The following GABBR2 variants were observed in gnomAD, a reference collection of about 807,000 sequenced individuals.
The protein encoded by GABBR2 is G-protein coupled receptor 51.
GABBR2 carries 23 observed loss-of-function variants against 105.6 expected under a neutral mutation model. The ratio of observed to expected loss-of-function variants is 0.22; its 90% confidence interval spans 0.16 to 0.31. The LOEUF (loss-of-function observed/expected upper bound fraction) is 0.31, where lower values mean the gene tolerates loss of function less well. Ranked by LOEUF, GABBR2 falls within the 10% of genes least tolerant of loss-of-function variation. The pLI, the probability that GABBR2 is intolerant of heterozygous loss-of-function variation, is 1.00. For missense variants in GABBR2, 734 were observed against 1,245.5 expected (o/e 0.59, Z 6.18); for synonymous variants, 478 against 499.7 (o/e 0.96, Z 0.58).
chr9:98,457,101 C>A (rs567445524), intron 6 of GABBR2, among the ~76,000 whole-genome samples: 1 of 152,172 alleles, frequency 6.6e-6, no homozygotes, highest in Non-Finnish European at 1.5e-5. Context: ...TACTTGGATG[C>A]GTGTTTCTTT....
chr9:98,473,401 T>C, intron 5 of GABBR2, 55 bp from the exon 6 acceptor site: 1 of 1,203,566 alleles, frequency 8.3e-7, no homozygotes, highest in Non-Finnish European at 1.2e-6. Flanking sequence ...TTCAAGGCTC[T>C]GTGCCCTGGA....
At chr9:98,635,195 G>T (rs992338214) in intron 1 of GABBR2, among the ~76,000 whole-genome samples, 3 of 152,340 alleles carry the variant, frequency 2.0e-5, no homozygotes, top group African/African-American at 7.2e-5. Flanking sequence ...ATACTGCTCT[G>T]CCTCTATTTT....
chr9:98,564,306 G>A (rs1022604183), intron 2 of GABBR2, among the ~76,000 whole-genome samples: 22 of 152,214 alleles, frequency 1.4e-4, no homozygotes, highest in Admixed American at 1.4e-3. Context: ...TGGCCTGCTT[G>A]CAGCAGGAAG....
chr9:98,484,262 C>G (rs1407961101), intron 4 of GABBR2, among the ~76,000 whole-genome samples: 1 of 152,336 alleles, frequency 6.6e-6, no homozygotes, highest in Middle Eastern at 3.4e-3. Flanking sequence ...GTTCAGTGCT[C>G]CCAGGCTGTT....
intron 15 of GABBR2, among the ~76,000 whole-genome samples, chr9:98,303,854 C>T (rs10125738): frequency 0.069 from 10,542 of 152,290 alleles, 919 homozygotes; most frequent in African/African-American, 0.2. Context: ...TGGAAGCAGG[C>T]TAGTAACAAG....
At chr9:98,344,027 A>T (rs1029535052) in intron 13 of GABBR2, among the ~76,000 whole-genome samples, 1 of 152,170 alleles carries the variant, frequency 6.6e-6, no homozygotes, top group Non-Finnish European at 1.5e-5. Flanking sequence ...TTTCCAAGAC[A>T]CCAAACTCAT....
chr9:98,567,347 A>G (rs1184859), intron 2 of GABBR2, among the ~76,000 whole-genome samples: 137,166 of 152,204 alleles, frequency 0.9, 62,286 homozygotes, highest in Non-Finnish European at 0.96. Context: ...ATTGGGAACC[A>G]CCCTGCCCTC....
chr9:98,367,917 G>C (rs761090904), intron 12 of GABBR2, among the ~76,000 whole-genome samples: 1 of 152,046 alleles, frequency 6.6e-6, no homozygotes, highest in Non-Finnish European at 1.5e-5. Context: ...GGTTTTTATT[G>C]TTACAGTTTT....
At chr9:98,295,939 T>TA (rs1830374317) in intron 17 of GABBR2, among the ~76,000 whole-genome samples, 1 of 152,182 alleles carries the variant, frequency 6.6e-6, no homozygotes, top group East Asian at 1.9e-4. Context: ...ACTAATCCTG[T>TA]ATAGGAGCAA....
chr9:98,501,153 C>CTTT (rs199661688), intron 3 of GABBR2, among the ~76,000 whole-genome samples: 1 of 125,736 alleles, frequency 8.0e-6, no homozygotes, highest in African/African-American at 2.9e-5. Flanking sequence ...CCCCCTGCTC[C>CTTT]TTTTTTTTTT....
chr9:98,572,367 A>G (rs898231675), intron 2 of GABBR2, among the ~76,000 whole-genome samples: 4 of 152,216 alleles, frequency 2.6e-5, no homozygotes, highest in Non-Finnish European at 5.9e-5. Flanking sequence ...GACACAAGGA[A>G]ACAGAAACAA....
chr9:98,609,554 G>T (rs530358893), intron 1 of GABBR2, among the ~76,000 whole-genome samples: 89 of 152,280 alleles, frequency 5.8e-4, no homozygotes, highest in African/African-American at 2.0e-3. Context: ...TAACCCATCT[G>T]GGTGGGCTGA....
chr9:98,513,918 C>A (rs1054471362), intron 3 of GABBR2, among the ~76,000 whole-genome samples: 86 of 152,274 alleles, frequency 5.6e-4, no homozygotes, highest in Non-Finnish European at 9.7e-4. Flanking sequence ...TATATACCCA[C>A]AGGACTATAA....
intron 7 of GABBR2, among the ~76,000 whole-genome samples, chr9:98,436,333 C>CTATAAATAT (rs1564068107): frequency 5.2e-5 from 1 of 19,234 alleles, no homozygotes; most frequent in African/African-American, 2.9e-4. Flanking sequence ...TATATATATA[C>CTATAAATAT]ACACACACAC....
intron 1 of GABBR2, among the ~76,000 whole-genome samples, chr9:98,653,263 T>C (rs1830134179): frequency 6.6e-6 from 1 of 152,228 alleles, no homozygotes; most frequent in Admixed American, 6.5e-5. Context: ...CCTCCCAAAG[T>C]GCTGAGATTA....
intron 7 of GABBR2, among the ~76,000 whole-genome samples, chr9:98,444,761 T>C (rs1379337330): frequency 6.6e-6 from 1 of 152,124 alleles, no homozygotes; most frequent in Non-Finnish European, 1.5e-5. Context: ...AGAGAGTTGC[T>C]TATGGGAGAA....
At chr9:98,329,865 C>CT (rs991189047) in intron 13 of GABBR2, among the ~76,000 whole-genome samples, 6 of 147,840 alleles carry the variant, frequency 4.1e-5, no homozygotes, top group Non-Finnish European at 5.9e-5. Context: ...TCTTCTTCTT[C>CT]TCTCTCTCTC....
chr9:98,647,914 C>A (rs1194484853), intron 1 of GABBR2, among the ~76,000 whole-genome samples: 1 of 151,860 alleles, frequency 6.6e-6, no homozygotes, highest in East Asian at 1.9e-4. Flanking sequence ...TGAATACCAT[C>A]CATACACTGT....
At chr9:98,556,880 A>G (rs1828594527) in intron 2 of GABBR2, among the ~76,000 whole-genome samples, 1 of 152,070 alleles carries the variant, frequency 6.6e-6, no homozygotes, top group African/African-American at 2.4e-5. Context: ...CCCCATCTCT[A>G]TGGAAAAAAA....
Sources: gnomAD v4.1 joint callset for allele counts (sites outside exome capture counted in the v4.1 genomes callset) on GRCh38, gnomAD v4.1.1 for gene constraint, MANE v1.5 for transcripts, NCBI Gene and HGNC (gene_info 2026-07-23, HGNC 2026-07-21) for gene names.